Variants in IGDCC4 observed in about 807,000 individuals in gnomAD.
The protein encoded by IGDCC4 is likely ortholog of mouse neighbor of Punc E11.
Under a neutral mutation model 116.6 loss-of-function variants are expected in IGDCC4, and 72 were observed. The ratio of observed to expected loss-of-function variants is 0.62; its 90% CI spans 0.51 to 0.75. The LOEUF is 0.75. IGDCC4 is among the 30% of genes least tolerant of loss of function. IGDCC4 has a pLI of 0.00. For missense variants in IGDCC4, 1,501 were observed against 1,662.4 expected (o/e 0.90, Z 1.69); for synonymous variants, 709 against 719.9 (o/e 0.98, Z 0.24).
chr15:65,392,333 C>A lies in IGDCC4; in HGVS notation c.1923G>T (p.Lys641Asn), dbSNP rs779239912. Reference protein sequence around the residue: ...FAPAELKVQAKMESLVVSWQP... With the variant: ...FAPAELKVQANMESLVVSWQP... ...GCCATGACACGACCAGGGACTCCAT[C>A]TTTGCCTGCACCTTCAACTCTGCAG... is the stretch of plus-strand genomic sequence containing the variant. The change falls in exon 11 of 20, where the codon AAG becomes AAT. Residue 641 changes from lysine to asparagine, a missense_variant. Coordinates refer to ENST00000352385, the MANE Select transcript of IGDCC4 (RefSeq NM_020962.3). 1.3e-6 allele frequency: 2 copies of A among 1,570,778 alleles called. No homozygotes were observed. The highest frequency in any genetic ancestry group is 2.4e-5 in the South Asian group (2 of 84,782).
At chr15:65,396,453 T>A (rs66699194) in intron 6 of IGDCC4, 1 of 551,804 alleles carries the variant, frequency 1.8e-6, no homozygotes, top group Non-Finnish European at 3.3e-6. Context: ...ACCCCACCCC[T>A]AAATTTACCC....
intron 2 of IGDCC4, chr15:65,410,678 G>T: frequency 2.2e-6 from 1 of 459,622 alleles, no homozygotes; most frequent in Non-Finnish European, 3.9e-6. Flanking sequence ...TCCACCTGCC[G>T]TGCAGGCAGG....
chr15:65,382,456 G>C lies in IGDCC4; in HGVS notation c.*1553C>G, dbSNP rs2091410317. 1 of 151,374 alleles carries C rather than the reference G, an allele frequency of 6.6e-6. No homozygotes were observed. Among genetic ancestry groups the C allele is most frequent in the African/African-American group, 2.4e-5 (1 of 40,984 alleles). 9.4% of individuals were successfully genotyped at this position (151,374 alleles called of 1,614,324 possible). A position where few individuals can be genotyped will look rare whatever the true frequency, so the allele number is the denominator to read the frequency against. ...AAATGGACTGGTTATTTCGAATTTG[G>C]CCCAGAAGGCAGAGTTAACTCTTGA... On this transcript the variant is annotated 3_prime_UTR_variant, in exon 20 of 20. Transcript: ENST00000352385.
intron 3 of IGDCC4, among the ~76,000 whole-genome samples, chr15:65,407,679 T>G (rs971359651): frequency 6.7e-6 from 1 of 150,270 alleles, no homozygotes; most frequent in African/African-American, 2.5e-5. Context: ...GGGTGACAGG[T>G]GAAGTGGCTC....
In IGDCC4 at chr15:65,411,104, C is replaced by A. The variant is rs549347972; in HGVS notation, c.337G>T (p.Gly113Trp). The change falls in exon 2 of 20, where the codon GGG (glycine) becomes TGG (tryptophan). Residue 113 changes from glycine to tryptophan, a missense_variant. By Grantham distance (184) the Gly-to-Trp change is radical. Around this residue, in one of 3 missense-constraint regions of IGDCC4, gnomAD observed 898 missense variants for 978.9 expected, o/e 0.92. Transcript: ENST00000352385. Reference sequence around the variant, plus strand: ...CACGAATAGTTGCCTTCAATGACCCCCACAGCCTCAGGGACTGACTCGTCA... The same window carrying A: ...CACGAATAGTTGCCTTCAATGACCCACACAGCCTCAGGGACTGACTCGTCA... ...GSDESVPEAV[G>W]VIEGNYSCLA... 46 of 1,614,202 alleles carry A rather than the reference C, an allele frequency of 2.8e-5. 1 individual carries two copies. The South Asian group carries it at 4.7e-4, about 17-fold the overall frequency.
At position 65,386,668 on chromosome 15, in the gene IGDCC4, G is replaced by C; in HGVS notation, c.2846-12C>G. ...CATGTCCAGCGAGTCTGGTGGGGGA[G>C]AGAGAGGCACAGAGCAGGTCAGGAC... On this transcript the variant is annotated splice_polypyrimidine_tract_variant and intron_variant, in intron 16 of 19. Transcript: ENST00000352385. 6.2e-7 allele frequency: 1 copy of C among 1,604,002 alleles called. No individual in the cohort carries two copies. The highest frequency in any genetic ancestry group is 8.5e-7 in the Non-Finnish European group (1 of 1,175,586).
intron 6 of IGDCC4, chr15:65,396,467 T>C: frequency 1.8e-6 from 1 of 554,888 alleles, no homozygotes; most frequent in South Asian, 1.9e-5. Flanking sequence ...TTTACCCATC[T>C]CCTTCCTCCC....
chr15:65,395,404 C>T, intron 7 of IGDCC4, 146 bp from the exon 8 acceptor site: 1 of 801,082 alleles, frequency 1.2e-6, no homozygotes, highest in Non-Finnish European at 1.9e-6. Flanking sequence ...TGTATAAACT[C>T]CCTCAGCTTC....
At position 65,410,095 on chromosome 15, in the gene IGDCC4, A is replaced by G. The variant is rs1472460408; in HGVS notation, c.563+83T>C. 6 of 1,518,888 alleles carry G rather than the reference A, an allele frequency of 4.0e-6. No individual in the cohort carries two copies. The East Asian group carries it at 1.1e-4, about 29-fold the overall frequency. 94.1% of individuals were successfully genotyped at this position (1,518,888 alleles called of 1,614,324 possible). A position where few individuals can be genotyped will look rare whatever the true frequency, so the allele number is the denominator to read the frequency against. On this transcript the variant is annotated intron_variant, in intron 3 of 19. Coordinates refer to ENST00000352385, the MANE Select transcript of IGDCC4 (RefSeq NM_020962.3). ...AGCTTAGGTAAATGCAGCTACCTCG[A>G]CTCTAAGAATCTCAGTTCTGAGCAC...
rs1439439640 is a variant in IGDCC4, at chr15:65,382,412, A to C, written c.*1597T>G. 1 of 152,208 alleles carries C rather than the reference A, an allele frequency of 6.6e-6. No homozygotes were observed. The highest frequency in any genetic ancestry group is 1.5e-5 in the Non-Finnish European group (1 of 67,934). The allele number at this position is 152,208 out of a possible 1,614,324, so 9.4% of individuals were successfully genotyped here. On this transcript the variant is annotated 3_prime_UTR_variant, in exon 20 of 20. Coordinates refer to ENST00000352385, the MANE Select transcript of IGDCC4 (RefSeq NM_020962.3). ...TGAGAGACATTCCACCATTTAAAAAAAAAAAAAAAAAAAAGGAAAAATGGA... is the reference window on the plus strand; with the variant it reads ...TGAGAGACATTCCACCATTTAAAAACAAAAAAAAAAAAAAGGAAAAATGGA...
At position 65,384,777 on chromosome 15, in the gene IGDCC4, C is replaced by T. The variant is rs1338937209; in HGVS notation, c.3342+177G>A. 1.3e-6 allele frequency: 1 copy of T among 799,548 alleles called. No homozygotes were observed. Among genetic ancestry groups the T allele is most frequent in the Non-Finnish European group, 1.9e-6 (1 of 524,030 alleles). 49.5% of individuals were successfully genotyped at this position (799,548 alleles called of 1,614,324 possible). On this transcript the variant is annotated intron_variant, in intron 19 of 19. Transcript: ENST00000352385. This position sits in a 1 kb window ranked among gnomAD's most constrained non-coding sequence, Gnocchi z 4.9. Reference sequence around the variant, plus strand: ...TTTCAACCCAGGTTGAAACAGGTTCCTGCAAACTGGCCTGCCCTCCACCTA... The same window carrying T: ...TTTCAACCCAGGTTGAAACAGGTTCTTGCAAACTGGCCTGCCCTCCACCTA...
rs1258719180 is a variant in IGDCC4 at position 65,393,502 on chromosome 15, T to C, written c.1744A>G (p.Asn582Asp). The change falls in exon 10 of 20, where the codon AAT becomes GAT. Residue 582 changes from asparagine to aspartate, a missense_variant. Transcript: ENST00000352385. This position sits in a 1 kb window ranked among gnomAD's most constrained non-coding sequence, Gnocchi z 4.6. Reference protein sequence around the residue: ...DQIFSTEVRGNETQLMLNSLQ... With the variant: ...DQIFSTEVRGDETQLMLNSLQ... ...GAGTTCAGCATAAGCTGTGTCTCAT[T>C]TCCTCGCACCTCAGTAGAGAAAATC... is the stretch of plus-strand genomic sequence containing the variant. The C allele has an allele frequency of 6.2e-7, 1 of 1,606,928 alleles. No homozygotes were observed. The highest frequency in any genetic ancestry group is 1.7e-5 in the Admixed American group (1 of 59,360).
At chr15:65,385,153 C>A (rs75789904) in intron 18 of IGDCC4, 38 bp from the exon 19 acceptor site, 22 of 1,527,212 alleles carry the variant, frequency 1.4e-5, no homozygotes, top group Non-Finnish European at 1.8e-5. Context: ...AGGGGCACGA[C>A]CAGGATTGGC....
At chr15:65,394,948 G>T in intron 8 of IGDCC4, 146 bp downstream of exon 8, 2 of 893,492 alleles carry the variant, frequency 2.2e-6, no homozygotes, top group East Asian at 2.7e-5. Context: ...GAACTGAGGA[G>T]AAGAACCCCG....
chr15:65,402,277 T>C, intron 4 of IGDCC4, 74 bp downstream of exon 4: 2 of 1,510,626 alleles, frequency 1.3e-6, no homozygotes, highest in Non-Finnish European at 1.8e-6. Context: ...CCTGGACCCC[T>C]TGAGGTCCCT....
At chr15:65,406,478 G>A (rs1047804768) in intron 3 of IGDCC4, among the ~76,000 whole-genome samples, 2 of 152,126 alleles carry the variant, frequency 1.3e-5, no homozygotes, top group African/African-American at 4.8e-5. Context: ...GAGTACCGGG[G>A]ATTTGCCTTG....
chr15:65,402,372 G>T lies in IGDCC4; in HGVS notation c.679C>A (p.Leu227Ile). The part of the protein sequence containing the change: ...SARQHFSQEA[L>I]LSVAHRGSLA... The stretch of plus-strand genomic sequence containing the variant: ...TTACCTCTGTGGGCCACACTGAGTA[G>T]GGCCTCCTGGCTGAAGTGCTGGCGA... The change falls in exon 4 of 20, where the codon CTA (leucine) becomes ATA (isoleucine). Residue 227 changes from leucine (L) to isoleucine (I), a missense_variant. Leu to Ile is a conservative substitution (Grantham distance 5). Around this residue, in one of 3 missense-constraint regions of IGDCC4, gnomAD observed 898 missense variants for 978.9 expected, o/e 0.92. Coordinates refer to ENST00000352385, the MANE Select transcript of IGDCC4 (RefSeq NM_020962.3). 1 of 1,570,600 alleles carries T rather than the reference G, an allele frequency of 6.4e-7. No individual in the cohort carries two copies. The highest frequency in any genetic ancestry group is 2.3e-5 in the East Asian group (1 of 42,632).
chr15:65,406,869 G>T (rs1273319736), intron 3 of IGDCC4, among the ~76,000 whole-genome samples: 1 of 152,188 alleles, frequency 6.6e-6, no homozygotes. Context: ...TGAGCTAGAC[G>T]TTGGGGGTGG....
At chr15:65,389,915 T>G (rs1410719947) in intron 13 of IGDCC4, among the ~76,000 whole-genome samples, 1 of 152,120 alleles carries the variant, frequency 6.6e-6, no homozygotes, top group East Asian at 1.9e-4. Context: ...CTCCGGAGTT[T>G]GAGAACAAGG....
Sources: gnomAD v4.1 joint callset for allele counts (sites outside exome capture counted in the v4.1 genomes callset) on GRCh38, gnomAD v4.1.1 for gene constraint, gnomAD v4.1.1 regional missense constraint, Gnocchi (gnomAD v3.1) non-coding constraint, MANE v1.5 for transcripts, NCBI Gene and HGNC (gene_info 2026-07-23, HGNC 2026-07-21) for gene names.